The following TRAPPC10 variants were observed in gnomAD, a reference collection of about 807,000 sequenced individuals.
The protein encoded by TRAPPC10 is TRAPP 130 kDa subunit.
A neutral mutation model predicts 125.5 loss-of-function variants in TRAPPC10; 23 were observed. The ratio of observed to expected loss-of-function variants is 0.18; its 90% CI spans 0.13 to 0.26. The LOEUF (loss-of-function observed/expected upper bound fraction) is 0.26. Ranked by LOEUF, TRAPPC10 falls within the 10% of genes least tolerant of loss-of-function variation. The pLI, the probability that TRAPPC10 is intolerant of heterozygous loss-of-function variation, is 1.00. For synonymous variants in TRAPPC10, 509 were observed against 518.0 expected (o/e 0.98, Z 0.24); for missense variants, 1,123 against 1,308.4 (o/e 0.86, Z 2.19).
In TRAPPC10 at chr21:44,086,980, G is replaced by A; in HGVS notation, c.2539+20G>A. 6.2e-7 allele frequency: 1 copy of A among 1,612,524 alleles called. No homozygotes were observed. The highest frequency in any genetic ancestry group is 8.5e-7 in the Non-Finnish European group (1 of 1,179,110). On this transcript the variant is annotated intron_variant, in intron 16 of 22. Coordinates refer to ENST00000291574, the MANE Select transcript of TRAPPC10 (RefSeq NM_003274.5). Reference sequence around the variant, plus strand: ...CGAGAGGTGAGGTGCCGCCCACCCAGGCCCAAGGAGGATGCCCACCTTGCC... The same window carrying A: ...CGAGAGGTGAGGTGCCGCCCACCCAAGCCCAAGGAGGATGCCCACCTTGCC...
At chr21:44,048,719 C>T (rs2035027717) in intron 3 of TRAPPC10, among the ~76,000 whole-genome samples, 1 of 151,838 alleles carries the variant, frequency 6.6e-6, no homozygotes, top group African/African-American at 2.4e-5. Flanking sequence ...GTCTCGAACT[C>T]CTGACCTCAA....
At chr21:44,077,578 C>T in intron 10 of TRAPPC10, 115 bp from the exon 11 acceptor site, 1 of 761,000 alleles carries the variant, frequency 1.3e-6, no homozygotes, top group Non-Finnish European at 2.1e-6. Flanking sequence ...GAGCAAGACT[C>T]TGTCTCAAAA....
At chr21:44,043,632 A>G (rs750675302) in intron 3 of TRAPPC10, among the ~76,000 whole-genome samples, 7 of 152,182 alleles carry the variant, frequency 4.6e-5, no homozygotes, top group Non-Finnish European at 1.0e-4. Flanking sequence ...CTGTAGCAGC[A>G]TACCCATCCC....
chr21:44,049,266 A>C (rs1326091994), intron 3 of TRAPPC10, among the ~76,000 whole-genome samples: 1 of 152,224 alleles, frequency 6.6e-6, no homozygotes, highest in East Asian at 1.9e-4. Flanking sequence ...ATTTCAGTCC[A>C]GCACTGCAAG....
At chr21:44,040,873 C>T (rs1265702307) in intron 3 of TRAPPC10, among the ~76,000 whole-genome samples, 1 of 152,006 alleles carries the variant, frequency 6.6e-6, no homozygotes, top group African/African-American at 2.4e-5. Flanking sequence ...GCCTCAGTCC[C>T]CTGAAGTGCT....
At chr21:44,014,079 C>T (rs7283982) in intron 1 of TRAPPC10, among the ~76,000 whole-genome samples, 2,617 of 152,338 alleles carry the variant, frequency 0.017, 75 homozygotes, top group African/African-American at 0.059. Flanking sequence ...ATTGCCTGTA[C>T]GGACATCCAC....
Position 44,052,426 on chromosome 21 carries a change from C to T in TRAPPC10, c.432C>T (p.Thr144=), listed in dbSNP as rs139364953. 20 of 1,612,186 alleles carry T rather than the reference C, an allele frequency of 1.2e-5. No homozygotes were observed. Among genetic ancestry groups the T allele is most frequent in the African/African-American group, 2.7e-5 (2 of 74,806 alleles). The change falls in exon 4 of 23, where the codon ACC becomes ACT. Residue 144 remains threonine (T), a synonymous_variant. Coordinates refer to ENST00000291574, the MANE Select transcript of TRAPPC10 (RefSeq NM_003274.5). ...ACAAAACCAACATCCTTCCCCGAAC[C>T]TCTATTGTGGACAAAATAAGAAATG... ...KKNKTNILPR[T]SIVDKIRNDF...
intron 7 of TRAPPC10, among the ~76,000 whole-genome samples, chr21:44,065,491 T>C (rs1348465823): frequency 6.6e-6 from 1 of 152,224 alleles, no homozygotes; most frequent in Admixed American, 6.5e-5. Context: ...CTATTGCACC[T>C]CTTTGCACGG....
At chr21:44,039,682 T>A (rs1405258292) in intron 3 of TRAPPC10, among the ~76,000 whole-genome samples, 1 of 152,190 alleles carries the variant, frequency 6.6e-6, no homozygotes, top group Non-Finnish European at 1.5e-5. Flanking sequence ...CTGGCCAAGA[T>A]GGTGAAACCC....
chr21:44,054,070 C>T (rs184039770), intron 4 of TRAPPC10, among the ~76,000 whole-genome samples: 105 of 152,230 alleles, frequency 6.9e-4, no homozygotes, highest in Middle Eastern at 3.4e-3. Context: ...CAGGAGAATT[C>T]GCGTCTGGTC....
At chr21:44,088,266 C>T (rs1329451935) in intron 17 of TRAPPC10, 7 of 301,364 alleles carry the variant, frequency 2.3e-5, no homozygotes, top group African/African-American at 4.2e-5. Flanking sequence ...AGGTCTGTGT[C>T]GTGTGTGCCT....
At chr21:44,046,077 G>A (rs923035343) in intron 3 of TRAPPC10, among the ~76,000 whole-genome samples, 2 of 151,764 alleles carry the variant, frequency 1.3e-5, no homozygotes, top group Non-Finnish European at 2.9e-5. Flanking sequence ...ATTAAAATCC[G>A]AGCAGTATTT....
intron 17 of TRAPPC10, chr21:44,089,204 C>T (rs60495903): frequency 4.1e-5 from 13 of 313,456 alleles, no homozygotes; most frequent in East Asian, 1.8e-4. Context: ...TGCTATGTGC[C>T]GTGTTATCCT....
intron 7 of TRAPPC10, among the ~76,000 whole-genome samples, chr21:44,069,493 G>T (rs1218517876): frequency 6.6e-6 from 1 of 152,194 alleles, no homozygotes; most frequent in African/African-American, 2.4e-5. Flanking sequence ...AGGATGGAAA[G>T]GCTTTCCTCG....
At chr21:44,025,552 T>C (rs1278687998) in intron 1 of TRAPPC10, among the ~76,000 whole-genome samples, 1 of 152,250 alleles carries the variant, frequency 6.6e-6, no homozygotes, top group African/African-American at 2.4e-5. Context: ...CTCTGAGGGC[T>C]AGAGAAGGCA....
At chr21:44,052,822 CT>C (rs2035315464) in intron 4 of TRAPPC10, among the ~76,000 whole-genome samples, 1 of 151,988 alleles carries the variant, frequency 6.6e-6, no homozygotes, top group African/African-American at 2.4e-5. Context: ...ATGACGGCAC[CT>C]GTGTTTTTTT....
chr21:44,035,013 T>C (rs56273547), intron 2 of TRAPPC10, among the ~76,000 whole-genome samples: 11,276 of 152,216 alleles, frequency 0.074, 525 homozygotes, highest in Non-Finnish European at 0.1. Flanking sequence ...TCCAGGTTTG[T>C]GGTAGTTTGT....
chr21:44,064,886 G>A (rs1199023355), intron 7 of TRAPPC10, among the ~76,000 whole-genome samples: 2 of 152,138 alleles, frequency 1.3e-5, no homozygotes, highest in East Asian at 3.8e-4. Flanking sequence ...ACCTAATGAA[G>A]CAAATGAGGA....
intron 15 of TRAPPC10, 53 bp downstream of exon 15, chr21:44,084,316 G>A (rs1291687072): frequency 2.0e-6 from 3 of 1,533,134 alleles, no homozygotes; most frequent in African/African-American, 2.8e-5. Context: ...CAGTTCTGAG[G>A]AGACCTGCTG....
Sources: allele counts gnomAD v4.1 joint callset (sites outside exome capture counted in the v4.1 genomes callset), GRCh38; gene constraint gnomAD v4.1.1; transcripts MANE v1.5; gene names NCBI Gene and HGNC (gene_info 2026-07-23, HGNC 2026-07-21).